Variants in ABCB9 observed in about 807,000 individuals in gnomAD.
ABCB9 encodes ABC-type oligopeptide transporter ABCB9.
ABCB9 carries 36 observed loss-of-function variants against 62.0 expected under a neutral mutation model. The observed-to-expected ratio is 0.58, with a 90% CI of 0.45 to 0.77. The LOEUF is 0.77. Ranked by LOEUF, ABCB9 falls within the 30% of genes least tolerant of loss-of-function variation. The pLI, the probability that ABCB9 is intolerant of heterozygous loss-of-function variation, is 0.00. For missense variants in ABCB9, 943 were observed against 1,054.7 expected, an observed-to-expected ratio of 0.89 and a Z score of 1.47; for synonymous variants, 435 against 461.4, an observed-to-expected ratio of 0.94 and a Z score of 0.73.
intron 3 of ABCB9, 97 bp downstream of exon 3, chr12:122,950,354 C>G: frequency 8.2e-7 from 1 of 1,214,570 alleles, no homozygotes; most frequent in Non-Finnish European, 1.1e-6. Flanking sequence ...TTTCCAGGGC[C>G]TCCCTGGCCC....
chr12:122,935,528 T>C, intron 9 of ABCB9, 97 bp from the exon 10 acceptor site: 1 of 1,440,968 alleles, frequency 6.9e-7, no homozygotes, highest in Non-Finnish European at 9.3e-7. Flanking sequence ...ACACCAGCAG[T>C]CTCAGGCCTG....
At chr12:122,950,025 C>T (rs1002431878) in intron 3 of ABCB9, 107 bp from the exon 4 acceptor site, 17 of 1,465,574 alleles carry the variant, frequency 1.2e-5, no homozygotes, top group Middle Eastern at 1.9e-4. Context: ...ACCGCAGCCC[C>T]ACTCCAGGGC....
In ABCB9 at chr12:122,948,708, G is replaced by T; in HGVS notation, c.969C>A (p.Ser323Arg). The T allele has an allele frequency of 6.2e-7, 1 of 1,614,038 alleles. No individual in the cohort carries two copies. Among genetic ancestry groups the T allele is most frequent in the Non-Finnish European group, 8.5e-7 (1 of 1,179,954 alleles). The change falls in exon 5 of 12, where the codon AGC becomes AGA. Residue 323 changes from serine (S) to arginine (R), a missense_variant. Coordinates refer to ENST00000280560, the MANE Select transcript of ABCB9 (RefSeq NM_019625.4). ...TGACCAAGGAGAGCTGCCATGAGAG[G>T]CTGAACATGAAGACCACCACGCCCG... ...KVTGVVVFMF[S>R]LSWQLSLVTF...
At chr12:122,941,135 G>T in intron 7 of ABCB9, 140 bp from the exon 8 acceptor site, 1 of 837,822 alleles carries the variant, frequency 1.2e-6, no homozygotes, top group Non-Finnish European at 1.8e-6. Context: ...CCACCCACTG[G>T]TGCATTAGAT....
rs1338953509 is a variant in ABCB9 at position 122,966,388 on chromosome 12, T to C, written c.-189A>G. 5 of 152,368 alleles carry C rather than the reference T, an allele frequency of 3.3e-5. No individual in the cohort carries two copies. Among genetic ancestry groups the C allele is most frequent in the Admixed American group, 3.3e-4 (5 of 15,276 alleles). The allele number at this position is 152,368 out of a possible 1,614,324, so 9.4% of individuals were successfully genotyped here. On this transcript the variant is annotated 5_prime_UTR_variant, in exon 1 of 12. Coordinates refer to ENST00000280560, the MANE Select transcript of ABCB9 (RefSeq NM_019625.4). Reference sequence around the variant, plus strand: ...TCATTGAAGACTGCGCCGGACGCGGTCCTCGCTCCGCTCTTCCCGCTGCTC... The same window carrying C: ...TCATTGAAGACTGCGCCGGACGCGGCCCTCGCTCCGCTCTTCCCGCTGCTC...
In ABCB9 at chr12:122,947,030, G is replaced by A. The variant is rs924684544; in HGVS notation, c.1054-808C>T. ...GCCTGAGTCATGTTTGGCCATGGGC[G>A]GTGTGTGTGGTTTGTGGAGATGACT... is the stretch of plus-strand genomic sequence containing the variant. On this transcript the variant is annotated intron_variant, in intron 5 of 11. Coordinates refer to ENST00000280560, the MANE Select transcript of ABCB9 (RefSeq NM_019625.4). The surrounding 1 kb of genome is among the most constrained non-coding windows in gnomAD (Gnocchi z 6.0). Among the ~76,000 whole-genome samples, 1 of 152,202 alleles carries A rather than the reference G, an allele frequency of 6.6e-6. No homozygotes were observed. The highest frequency in any genetic ancestry group is 1.9e-4 in the East Asian group (1 of 5,204).
In ABCB9 at chr12:122,956,279, A is replaced by C. The variant is rs2036608743; in HGVS notation, c.601+3356T>G. Among the ~76,000 whole-genome samples, 3 of 152,264 alleles carry C rather than the reference A, an allele frequency of 2.0e-5. No homozygotes were observed. The South Asian group carries it at 6.2e-4, about 32-fold the overall frequency. ...TTTCCAACCCCATTGGAGGGGTACT[A>C]CTATGCCCATGTCACAGAAGAGGAG... On this transcript the variant is annotated intron_variant, in intron 2 of 11. Coordinates refer to ENST00000280560, the MANE Select transcript of ABCB9 (RefSeq NM_019625.4).
intron 1 of ABCB9, among the ~76,000 whole-genome samples, chr12:122,965,083 T>G (rs1176630567): frequency 6.6e-6 from 1 of 152,126 alleles, no homozygotes; most frequent in Non-Finnish European, 1.5e-5. Flanking sequence ...GCCTGGCACC[T>G]CCCAAAGCAG....
intron 3 of ABCB9, 104 bp from the exon 4 acceptor site, chr12:122,950,022 C>T: frequency 6.7e-7 from 1 of 1,501,088 alleles, no homozygotes; most frequent in Non-Finnish European, 9.2e-7. Context: ...CCCACCGCAG[C>T]CCCACTCCAG....
At position 122,929,691 on chromosome 12, in the gene ABCB9, T is replaced by A. The variant is rs1486371844; in HGVS notation, c.*220A>T. The A allele has an allele frequency of 1.6e-6, 2 of 1,286,326 alleles. No homozygotes were observed. The highest frequency in any genetic ancestry group is 2.0e-6 in the Non-Finnish European group (2 of 1,015,116). The allele number at this position is 1,286,326 out of a possible 1,614,324, so 79.7% of individuals were successfully genotyped here. On this transcript the variant is annotated 3_prime_UTR_variant, in exon 12 of 12. Coordinates refer to ENST00000280560, the MANE Select transcript of ABCB9 (RefSeq NM_019625.4). This position sits in a 1 kb window ranked among gnomAD's most constrained non-coding sequence, Gnocchi z 6.0. ...ACCTTTGCTTAGGAGGCTAGGGAGG[T>A]CCGTGAAGGCGTTGGCTCAGGGCAG...
chr12:122,929,954 G>C lies in ABCB9; in HGVS notation c.2258C>G (p.Ala753Gly), dbSNP rs2035049794. 6.3e-7 allele frequency: 1 copy of C among 1,581,510 alleles called. No individual in the cohort carries two copies. The highest frequency in any genetic ancestry group is 1.7e-5 in the Admixed American group (1 of 57,494). Reference sequence around the variant, plus strand: ...GTTGGCTACAGGCTCGTTGTGGCCAGCTGTGAAGTCTGCGGCGGGCTGAAG... The same window carrying C: ...GTTGGCTACAGGCTCGTTGTGGCCACCTGTGAAGTCTGCGGCGGGCTGAAG... The part of the protein sequence containing the change: ...LGLQPAADFT[A>G]GHNEPVANGS... Residue 753 changes from alanine (A) to glycine (G), a missense_variant, in exon 12 of 12, where the codon GCT (alanine) becomes GGT (glycine). Ala to Gly is a moderately conservative substitution (Grantham distance 60, BLOSUM62 0). Transcript: ENST00000280560. This position sits in a 1 kb window ranked among gnomAD's most constrained non-coding sequence, Gnocchi z 6.0.
intron 1 of ABCB9, among the ~76,000 whole-genome samples, chr12:122,973,828 T>G (rs1438435328): frequency 6.6e-6 from 1 of 152,014 alleles, no homozygotes; most frequent in African/African-American, 2.4e-5. Flanking sequence ...GCCACTGCAC[T>G]CCAGCCTGGG....
In ABCB9 at chr12:122,932,311, C is replaced by T. The variant is rs2035218517; in HGVS notation, c.1921G>A (p.Ala641Thr). The stretch of plus-strand genomic sequence containing the variant: ...TGCTTCTGGCCACCTGACAGCTGGG[C>T]GCCCTTCTCCCCTGTCTCTGTATGG... ...GYSTETGEKG[A>T]QLSGGQKQRV... Residue 641 changes from alanine to threonine, a missense_variant, in exon 11 of 12, where the codon GCC becomes ACC. Transcript: ENST00000280560. The surrounding 1 kb of genome is among the most constrained non-coding windows in gnomAD (Gnocchi z 4.7). 3.9e-6 allele frequency: 6 copies of T among 1,551,008 alleles called. No homozygotes were observed. The highest frequency in any genetic ancestry group is 2.4e-5 in the South Asian group (2 of 84,018).
chr12:122,961,028 C>T (rs1171164086), intron 1 of ABCB9, among the ~76,000 whole-genome samples: 3 of 151,376 alleles, frequency 2.0e-5, no homozygotes, highest in Admixed American at 6.6e-5. Flanking sequence ...CATGCCACTA[C>T]ACTCCAGCCC....
At chr12:122,925,431 C>T (rs771005662), downstream of ABCB9, among the ~76,000 whole-genome samples, 9 of 151,950 alleles carry the variant, frequency 5.9e-5, no homozygotes, top group African/African-American at 2.2e-4. Context: ...CCAAGAGAGG[C>T]GAAAGCAAAC....
At chr12:122,968,018 G>A (rs546347544), upstream of ABCB9, among the ~76,000 whole-genome samples, 1 of 152,074 alleles carries the variant, frequency 6.6e-6, no homozygotes, top group South Asian at 2.1e-4. Flanking sequence ...CCCTTCCATA[G>A]GGAACTGGCC....
chr12:122,948,323 T>G (rs983762744), intron 5 of ABCB9: 11 of 238,604 alleles, frequency 4.6e-5, no homozygotes, highest in Non-Finnish European at 7.3e-5. Flanking sequence ...CTGACCATCT[T>G]TTACTGTATT....
In ABCB9 at chr12:122,929,062, A is replaced by G. The variant is rs984267592; in HGVS notation, c.*849T>C. On this transcript the variant is annotated 3_prime_UTR_variant, in exon 12 of 12. Transcript: ENST00000280560. The surrounding 1 kb of genome is among the most constrained non-coding windows in gnomAD (Gnocchi z 6.0). The stretch of plus-strand genomic sequence containing the variant: ...ATGTTGCAACCTCTGGCAAAGCCAG[A>G]TCCTGGGCTTTGCCACCATCCCATC... 1.2e-5 allele frequency: 12 copies of G among 985,874 alleles called. No individual in the cohort carries two copies. Among genetic ancestry groups the G allele is most frequent in the Admixed American group, 6.2e-5 (1 of 16,260 alleles). 61.1% of individuals were successfully genotyped at this position (985,874 alleles called of 1,614,324 possible).
chr12:122,948,560 T>G, intron 5 of ABCB9, 64 bp downstream of exon 5: 1 of 1,480,712 alleles, frequency 6.8e-7, no homozygotes, highest in Non-Finnish European at 9.1e-7. Flanking sequence ...CCTGAGCCCC[T>G]CCTAAGGGGA....
Sources: gnomAD v4.1 joint callset for allele counts (sites outside exome capture counted in the v4.1 genomes callset) on GRCh38, gnomAD v4.1.1 for gene constraint, Gnocchi (gnomAD v3.1) non-coding constraint, MANE v1.5 for transcripts, NCBI Gene and HGNC (gene_info 2026-07-23, HGNC 2026-07-21) for gene names.